PACS1: variants seen among roughly 807,000 people sequenced by gnomAD.
PACS1 encodes PACS-1.
Under a neutral mutation model 115.0 loss-of-function variants are expected in PACS1, and 24 were observed. That is an observed-to-expected ratio of 0.21 (90% CI 0.15 to 0.29). The LOEUF is 0.29. Ranked by LOEUF, PACS1 falls within the 10% of genes least tolerant of loss-of-function variation. PACS1 has a pLI of 1.00. For synonymous variants in PACS1, 453 were observed against 504.5 expected, an observed-to-expected ratio of 0.90 and a Z score of 1.37; for missense variants, 838 against 1,251.2, an observed-to-expected ratio of 0.67 and a Z score of 4.98.
At chr11:66,177,902 T>C (rs549260696) in intron 1 of PACS1, among the ~76,000 whole-genome samples, 79 of 152,324 alleles carry the variant, frequency 5.2e-4, no homozygotes, top group African/African-American at 1.9e-3. Context: ...TGTAGCATAA[T>C]AGTATTTGTA....
At chr11:66,136,845 C>T (rs1858856286) in intron 1 of PACS1, among the ~76,000 whole-genome samples, 1 of 152,092 alleles carries the variant, frequency 6.6e-6, no homozygotes, top group African/African-American at 2.4e-5. Context: ...AAATGAATGA[C>T]TCAGTTTTTT....
intron 1 of PACS1, among the ~76,000 whole-genome samples, chr11:66,156,662 G>C (rs534530029): frequency 7.9e-5 from 12 of 152,024 alleles, no homozygotes; most frequent in African/African-American, 2.9e-4. Context: ...AGACCATCCT[G>C]GCTAACACGG....
intron 1 of PACS1, among the ~76,000 whole-genome samples, chr11:66,157,889 C>T (rs1207805164): frequency 1.3e-5 from 2 of 151,954 alleles, no homozygotes; most frequent in Admixed American, 6.6e-5. Context: ...TTTCCTTATC[C>T]CATCACATGC....
chr11:66,220,275 C>T, intron 8 of PACS1: 1 of 307,896 alleles, frequency 3.2e-6, no homozygotes, highest in Non-Finnish European at 6.1e-6. Context: ...TCTCAGTGGG[C>T]TAACAGAGGG....
rs66569530 is a variant in PACS1 at position 66,096,209 on chromosome 11, C to CTT, written c.356+25390_356+25391dup. Among the ~76,000 whole-genome samples the CTT allele has an allele frequency of 5.3e-4, 63 of 119,420 alleles. 1 individual carries two copies. Among genetic ancestry groups the CTT allele is most frequent in the Middle Eastern group, 4.2e-3 (1 of 238 alleles). The allele number at this position is 119,420 out of a possible 152,430, so 78.3% of individuals were successfully genotyped here. A position where few individuals can be genotyped will look rare whatever the true frequency, so the allele number is the denominator to read the frequency against. On this transcript the variant is annotated intron_variant, in intron 1 of 23. Transcript: ENST00000320580. ...TGGTTTTCTTTTTATCTTTTTCTTT[C>CTT]TTTTTTTTTTTTTTTTTTTTTTTTG...
At chr11:66,092,127 CA>C (rs1233849235) in intron 1 of PACS1, among the ~76,000 whole-genome samples, 3 of 152,124 alleles carry the variant, frequency 2.0e-5, no homozygotes, top group Non-Finnish European at 1.5e-5. Context: ...AACTAGTTTA[CA>C]GTCCCACCAA....
rs76223152 is a variant in PACS1 at position 66,147,818 on chromosome 11, T to A, written c.357-45668T>A. ...ACAACAGTGTGACTGTAATCAGAAA[T>A]AATTGTGATATAAAAATAACTAATT... On this transcript the variant is annotated intron_variant, in intron 1 of 23. Transcript: ENST00000320580. Among the ~76,000 whole-genome samples, 1,250 of 152,202 alleles carry A rather than the reference T, an allele frequency of 8.2e-3. 84 individuals carry two copies. In the East Asian group the frequency reaches 0.17, roughly 21 times the overall value.
intron 2 of PACS1, among the ~76,000 whole-genome samples, chr11:66,194,987 G>C (rs1297081603): frequency 6.6e-6 from 1 of 152,208 alleles, no homozygotes; most frequent in Non-Finnish European, 1.5e-5. Flanking sequence ...CACTTTGGGA[G>C]GCTGAGGTGG....
intron 22 of PACS1, among the ~76,000 whole-genome samples, chr11:66,242,686 T>C (rs1368915925): frequency 1.3e-5 from 2 of 152,036 alleles, no homozygotes; most frequent in African/African-American, 2.4e-5. Flanking sequence ...GGCGAAGATA[T>C]CGAGCCCCAG....
intron 1 of PACS1, among the ~76,000 whole-genome samples, chr11:66,136,708 T>G (rs899699772): frequency 1.3e-5 from 2 of 152,054 alleles, no homozygotes; most frequent in Non-Finnish European, 2.9e-5. Context: ...GAACAAGAAT[T>G]CAGCAGTTTT....
Position 66,232,203 on chromosome 11 carries a change from A to G in PACS1, c.1658A>G (p.Asn553Ser), listed in dbSNP as rs748968128. The change falls in exon 14 of 24, where the codon AAT becomes AGT. Residue 553 changes from asparagine (N) to serine (S), a missense_variant. Physicochemically the swap from Asn to Ser is conservative, Grantham distance 46. Coordinates refer to ENST00000320580, the MANE Select transcript of PACS1 (RefSeq NM_018026.4). The stretch of plus-strand genomic sequence containing the variant: ...AGAAAGGTGGTGTATGACCAGCTCA[A>G]TCAGATCCTGGTGTCAGATGCAGCC... The part of the protein sequence containing the change: ...IPRKVVYDQL[N>S]QILVSDAALP... The G allele has an allele frequency of 1.9e-6, 3 of 1,613,210 alleles. No homozygotes were observed. Among genetic ancestry groups the G allele is most frequent in the Non-Finnish European group, 2.5e-6 (3 of 1,179,140 alleles).
intron 1 of PACS1, among the ~76,000 whole-genome samples, chr11:66,157,001 C>T (rs1859377404): frequency 6.6e-6 from 1 of 152,076 alleles, no homozygotes; most frequent in Non-Finnish European, 1.5e-5. Flanking sequence ...TGGTGATGTT[C>T]TTCTAGGAAG....
At chr11:66,150,914 C>T (rs1859219829) in intron 1 of PACS1, among the ~76,000 whole-genome samples, 1 of 152,122 alleles carries the variant, frequency 6.6e-6, no homozygotes, top group Non-Finnish European at 1.5e-5. Context: ...GGTTATGCAT[C>T]AGTACCCATG....
intron 10 of PACS1, among the ~76,000 whole-genome samples, chr11:66,222,833 T>C (rs1180295450): frequency 2.0e-5 from 3 of 152,038 alleles, no homozygotes; most frequent in Non-Finnish European, 4.4e-5. Context: ...CTGGCTGCCC[T>C]TCTGCCTGTT....
At chr11:66,116,704 C>A (rs2134553657) in intron 1 of PACS1, among the ~76,000 whole-genome samples, 1 of 152,088 alleles carries the variant, frequency 6.6e-6, no homozygotes, top group South Asian at 2.1e-4. Context: ...GCCTGGGCAA[C>A]ATGTTGAAAT....
chr11:66,118,942 T>C (rs1858379079), intron 1 of PACS1, among the ~76,000 whole-genome samples: 1 of 152,168 alleles, frequency 6.6e-6, no homozygotes, highest in Non-Finnish European at 1.5e-5. Context: ...ATATAGACAA[T>C]TGAATAATCA....
At chr11:66,095,480 C>T (rs1358976295) in intron 1 of PACS1, among the ~76,000 whole-genome samples, 1 of 152,322 alleles carries the variant, frequency 6.6e-6, no homozygotes, top group Non-Finnish European at 1.5e-5. Flanking sequence ...TGTTTTGAGA[C>T]GGAGACTTAC....
intron 1 of PACS1, among the ~76,000 whole-genome samples, chr11:66,074,817 G>A (rs1047657969): frequency 5.9e-5 from 9 of 152,090 alleles, no homozygotes; most frequent in Admixed American, 1.3e-4. Context: ...AAAACGCTTG[G>A]GGGCATTTGC....
chr11:66,227,116 C>T (rs1590833940), intron 10 of PACS1, among the ~76,000 whole-genome samples: 1 of 152,172 alleles, frequency 6.6e-6, no homozygotes, highest in East Asian at 1.9e-4. Context: ...TAGCATACTC[C>T]TTTCTCTGGC....
Sources: allele counts gnomAD v4.1 joint callset (sites outside exome capture counted in the v4.1 genomes callset), GRCh38; gene constraint gnomAD v4.1.1; transcripts MANE v1.5; gene names NCBI Gene and HGNC (gene_info 2026-07-23, HGNC 2026-07-21).